Variants in EYS observed in about 807,000 individuals in gnomAD.
EYS encodes the protein protein eyes shut homolog.
In EYS, 250 loss-of-function variants were observed where a neutral mutation model predicts 282.1. That is an observed-to-expected ratio of 0.89 (90% CI 0.80 to 0.98). The LOEUF is 0.98. Among genes scored for constraint, EYS ranks in the 50% least tolerant of loss-of-function variants. The pLI is 0.00. For missense variants in EYS, 4,016 were observed against 3,709.0 expected (o/e 1.08, Z -2.15); for synonymous variants, 1,355 against 1,282.9 (o/e 1.06, Z -1.20).
chr6:65,368,625 T>A (rs1456933339), intron 8 of EYS, among the ~76,000 whole-genome samples: 1 of 151,766 alleles, frequency 6.6e-6, no homozygotes, highest in Non-Finnish European at 1.5e-5. Context: ...TAAAAGCACA[T>A]TGTTGTTTGC....
chr6:64,950,851 G>T (rs1769480189), intron 14 of EYS, among the ~76,000 whole-genome samples: 1 of 105,148 alleles, frequency 9.5e-6, no homozygotes. Context: ...ATTGTTACAA[G>T]AACAACTGAA....
intron 31 of EYS, among the ~76,000 whole-genome samples, chr6:64,142,897 T>C (rs1774383031): frequency 6.6e-6 from 1 of 152,156 alleles, no homozygotes; most frequent in Non-Finnish European, 1.5e-5. Context: ...CTACCGTGTT[T>C]CTGAGGAGGA....
rs532058884 is a variant in EYS at position 65,619,765 on chromosome 6, G to C, written c.-333+20013C>G. ...TTTATTGAGAGTTTTTAGCATGAAG[G>C]GTTGTTGAATTTTGTCAAAGGCCTT... On this transcript the variant is annotated intron_variant, in intron 2 of 42. Transcript: ENST00000503581. Among the ~76,000 whole-genome samples the C allele has an allele frequency of 2.6e-4, 40 of 151,202 alleles. No individual in the cohort carries two copies. In the East Asian group the frequency reaches 4.9e-3, roughly 18 times the overall value.
chr6:65,513,709 A>T (rs879300235), intron 2 of EYS, among the ~76,000 whole-genome samples: 26 of 152,198 alleles, frequency 1.7e-4, no homozygotes, highest in South Asian at 6.2e-4. Flanking sequence ...ATCTCAATAG[A>T]TGCAGAAAAG....
intron 12 of EYS, among the ~76,000 whole-genome samples, chr6:65,291,165 G>A (rs1768514689): frequency 6.6e-6 from 1 of 151,460 alleles, no homozygotes; most frequent in African/African-American, 2.4e-5. Flanking sequence ...GGAAAACATG[G>A]TTAAAGAGCC....
chr6:64,626,297 T>A (rs973461588), intron 22 of EYS, 52 bp from the exon 23 acceptor site: 30 of 1,487,840 alleles, frequency 2.0e-5, no homozygotes, highest in Non-Finnish European at 9.8e-6. Context: ...ACATGAGCAC[T>A]ATCACTTTTC....
At chr6:64,185,260 A>AT (rs1474090114) in intron 31 of EYS, among the ~76,000 whole-genome samples, 1 of 152,182 alleles carries the variant, frequency 6.6e-6, no homozygotes, top group African/African-American at 2.4e-5. Context: ...ACAGGAAGAC[A>AT]TTTTTTAATG....
chr6:64,610,965 C>T (rs1582952097), intron 24 of EYS, among the ~76,000 whole-genome samples: 3 of 152,102 alleles, frequency 2.0e-5, no homozygotes, highest in East Asian at 1.9e-4. Flanking sequence ...AACACACATC[C>T]CTCCATCTTT....
chr6:64,018,119 C>G (rs1768984379), intron 33 of EYS, among the ~76,000 whole-genome samples: 1 of 152,132 alleles, frequency 6.6e-6, no homozygotes, highest in African/African-American at 2.4e-5. Context: ...TATACACACA[C>G]ACACATACAC....
chr6:64,220,542 C>T (rs747358641), intron 31 of EYS, among the ~76,000 whole-genome samples: 3 of 152,050 alleles, frequency 2.0e-5, no homozygotes, highest in Non-Finnish European at 2.9e-5. Context: ...GTATCTCTTC[C>T]CCAGGTTCAA....
chr6:63,993,891 A>G (rs1464751875), intron 34 of EYS, among the ~76,000 whole-genome samples: 1 of 151,898 alleles, frequency 6.6e-6, no homozygotes, highest in African/African-American at 2.4e-5. Flanking sequence ...TCCTGACTTC[A>G]CAGTATATTA....
chr6:63,745,199 T>G (rs1196428540), intron 41 of EYS, among the ~76,000 whole-genome samples: 1 of 152,142 alleles, frequency 6.6e-6, no homozygotes, highest in African/African-American at 2.4e-5. Context: ...AGCCTAGAAA[T>G]CACTTCATAT....
intron 22 of EYS, among the ~76,000 whole-genome samples, chr6:64,735,175 C>T (rs1772145858): frequency 6.6e-6 from 1 of 152,112 alleles, no homozygotes; most frequent in Admixed American, 6.5e-5. Context: ...GCTCCATCTT[C>T]CGGGTTCACG....
intron 22 of EYS, among the ~76,000 whole-genome samples, chr6:64,811,513 T>A (rs1764596774): frequency 6.6e-6 from 1 of 152,020 alleles, no homozygotes; most frequent in Non-Finnish European, 1.5e-5. Flanking sequence ...TAGGTGTCCA[T>A]ACCAAAACTC....
intron 35 of EYS, among the ~76,000 whole-genome samples, chr6:63,917,610 T>C (rs1764458624): frequency 1.3e-5 from 2 of 152,224 alleles, no homozygotes; most frequent in Non-Finnish European, 2.9e-5. Flanking sequence ...GATAAAATGT[T>C]CTTAAAATTA....
At chr6:65,324,150 C>A (rs371666153) in intron 11 of EYS, among the ~76,000 whole-genome samples, 2 of 151,404 alleles carry the variant, frequency 1.3e-5, no homozygotes, top group Non-Finnish European at 2.9e-5. Context: ...TAAAATAGCC[C>A]CTTTCCCAGC....
intron 26 of EYS, among the ~76,000 whole-genome samples, chr6:64,504,907 A>G (rs921282731): frequency 6.6e-6 from 1 of 152,162 alleles, no homozygotes; most frequent in African/African-American, 2.4e-5. Flanking sequence ...TACTCTGTGG[A>G]TGAGGAAGGG....
At chr6:64,914,672 T>C (rs995124156) in intron 15 of EYS, among the ~76,000 whole-genome samples, 3 of 152,088 alleles carry the variant, frequency 2.0e-5, no homozygotes, top group African/African-American at 7.2e-5. Flanking sequence ...TAAATCGATA[T>C]AGTTACCATT....
intron 26 of EYS, among the ~76,000 whole-genome samples, chr6:64,495,349 G>A (rs1776856447): frequency 6.6e-6 from 1 of 151,764 alleles, no homozygotes; most frequent in Non-Finnish European, 1.5e-5. Context: ...CATATCCTAA[G>A]TGAGGATCTC....
Sources: allele counts gnomAD v4.1 joint callset (sites outside exome capture counted in the v4.1 genomes callset), GRCh38; gene constraint gnomAD v4.1.1; transcripts MANE v1.5; gene names NCBI Gene and HGNC (gene_info 2026-07-23, HGNC 2026-07-21).